Variants in TAFA1 observed in about 807,000 individuals in gnomAD.
The protein encoded by TAFA1 is TAFA chemokine like family member 1.
In TAFA1, 4 loss-of-function variants were observed where a neutral mutation model predicts 18.5. That is an observed-to-expected ratio of 0.22 (90% CI 0.11 to 0.49). TAFA1 has a LOEUF of 0.49. TAFA1 is among the 20% of genes least tolerant of loss of function. The pLI is 0.98. For synonymous variants in TAFA1, 56 were observed against 55.2 expected (o/e 1.01, Z -0.06); for missense variants, 147 against 169.0 (o/e 0.87, Z 0.72).
intron 2 of TAFA1, among the ~76,000 whole-genome samples, chr3:68,016,730 T>A (rs188482223): frequency 2.1e-4 from 32 of 152,252 alleles, no homozygotes; most frequent in African/African-American, 7.7e-4. Flanking sequence ...TATCTTAAAA[T>A]TTGCTTGTAT....
chr3:68,249,213 G>A lies in TAFA1; in HGVS notation c.119-168067G>A, dbSNP rs2067143501. Among the ~76,000 whole-genome samples the A allele has an allele frequency of 3.3e-5, 5 of 152,182 alleles. No homozygotes were observed. The South Asian group carries it at 1.0e-3, about 32-fold the overall frequency. ...AAAATAATCCAGGGAATAATCAGAT[G>A]GAGGAATGTGGATGTTATCCCCAGG... On this transcript the variant is annotated intron_variant, in intron 2 of 4. Transcript: ENST00000478136.
intron 2 of TAFA1, among the ~76,000 whole-genome samples, chr3:68,333,077 T>C (rs1477465494): frequency 6.6e-6 from 1 of 152,216 alleles, no homozygotes; most frequent in Non-Finnish European, 1.5e-5. Context: ...GTTTAGCCAC[T>C]GTGGAAAGCA....
intron 3 of TAFA1, among the ~76,000 whole-genome samples, chr3:68,444,547 G>A (rs973599133): frequency 1.3e-5 from 2 of 152,082 alleles, no homozygotes; most frequent in East Asian, 3.9e-4. Flanking sequence ...GTTAACCATT[G>A]TACTATAGCT....
intron 2 of TAFA1, among the ~76,000 whole-genome samples, chr3:68,053,295 A>G (rs1360661346): frequency 6.6e-6 from 1 of 151,336 alleles, no homozygotes; most frequent in East Asian, 1.9e-4. Flanking sequence ...GCCAAGGAGA[A>G]CTCCCCTGAT....
intron 2 of TAFA1, among the ~76,000 whole-genome samples, chr3:68,054,638 A>G (rs961302834): frequency 2.0e-5 from 3 of 152,220 alleles, no homozygotes; most frequent in African/African-American, 4.8e-5. Context: ...CATATTGTCC[A>G]TGGCTGCTTT....
intron 3 of TAFA1, among the ~76,000 whole-genome samples, chr3:68,459,474 G>A (rs1027393080): frequency 4.0e-5 from 5 of 125,086 alleles, no homozygotes; most frequent in African/African-American, 1.3e-4. Flanking sequence ...TGCTATTTTT[G>A]TTCTGTTTTT....
chr3:68,256,575 G>T (rs905663660), intron 2 of TAFA1, among the ~76,000 whole-genome samples: 3 of 152,082 alleles, frequency 2.0e-5, no homozygotes, highest in African/African-American at 7.2e-5. Context: ...AAAGAATTCC[G>T]TCTGTAAAAT....
chr3:68,428,440 C>T (rs1435950564), intron 3 of TAFA1, among the ~76,000 whole-genome samples: 1 of 151,886 alleles, frequency 6.6e-6, no homozygotes, highest in Non-Finnish European at 1.5e-5. Context: ...CACAGGCATC[C>T]TTCGACCTCC....
chr3:68,083,323 C>G (rs544507142), intron 2 of TAFA1, among the ~76,000 whole-genome samples: 1 of 152,080 alleles, frequency 6.6e-6, no homozygotes, highest in African/African-American at 2.4e-5. Context: ...ATCACTTTTG[C>G]CTTTGTTTGA....
intron 2 of TAFA1, among the ~76,000 whole-genome samples, chr3:68,280,616 GT>G (rs10706490): frequency 0.031 from 4,654 of 148,648 alleles, 140 homozygotes; most frequent in South Asian, 0.11. Context: ...GTGGACTTTT[GT>G]TTTTTTTTTC....
intron 3 of TAFA1, among the ~76,000 whole-genome samples, chr3:68,536,328 T>C (rs1256950533): frequency 6.6e-6 from 1 of 152,164 alleles, no homozygotes; most frequent in African/African-American, 2.4e-5. Flanking sequence ...CTGCTTTGCT[T>C]CAGGGTCTAC....
intron 2 of TAFA1, among the ~76,000 whole-genome samples, chr3:68,323,001 C>T (rs902959252): frequency 1.3e-5 from 2 of 151,894 alleles, no homozygotes; most frequent in Non-Finnish European, 2.9e-5. Flanking sequence ...ACACAATATC[C>T]CTACCCCCAG....
At chr3:68,353,400 G>A (rs1316644836) in intron 2 of TAFA1, among the ~76,000 whole-genome samples, 2 of 152,034 alleles carry the variant, frequency 1.3e-5, no homozygotes, top group African/African-American at 4.8e-5. Context: ...TCACCTTATC[G>A]GTTTATGTTC....
At chr3:68,099,481 T>C (rs1334584880) in intron 2 of TAFA1, among the ~76,000 whole-genome samples, 1 of 152,056 alleles carries the variant, frequency 6.6e-6, no homozygotes, top group Non-Finnish European at 1.5e-5. Context: ...TCAGAATGGC[T>C]ATTATTAAAA....
intron 3 of TAFA1, among the ~76,000 whole-genome samples, chr3:68,525,529 G>C (rs941382272): frequency 6.6e-6 from 1 of 152,160 alleles, no homozygotes; most frequent in Non-Finnish European, 1.5e-5. Flanking sequence ...TAGTTGTGTG[G>C]TATTGTATAG....
chr3:68,015,759 C>A (rs1704558093), intron 2 of TAFA1, among the ~76,000 whole-genome samples: 1 of 152,028 alleles, frequency 6.6e-6, no homozygotes, highest in Non-Finnish European at 1.5e-5. Flanking sequence ...ATCTTGAAAC[C>A]CAAGATTCTC....
At chr3:68,411,399 T>G (rs2070714314) in intron 2 of TAFA1, among the ~76,000 whole-genome samples, 1 of 152,210 alleles carries the variant, frequency 6.6e-6, no homozygotes, top group South Asian at 2.1e-4. Context: ...CCATGGCAGA[T>G]TTGTTATTCA....
rs111907318 is a variant in TAFA1, at chr3:68,232,858, T to C, written c.119-184422T>C. On this transcript the variant is annotated intron_variant, in intron 2 of 4. Transcript: ENST00000478136. ...GTCTTGAGTGATCCTCTCTGTTTGG[T>C]CCCTCAAAATGCTGGGATTACAGAC... is the stretch of plus-strand genomic sequence containing the variant. Among the ~76,000 whole-genome samples the C allele has an allele frequency of 7.9e-4, 121 of 152,204 alleles. 2 individuals are homozygous for C. The highest frequency in any genetic ancestry group is 2.5e-3 in the African/African-American group (103 of 41,538).
chr3:68,283,912 C>A (rs78691953), intron 2 of TAFA1, among the ~76,000 whole-genome samples: 17,757 of 152,182 alleles, frequency 0.12, 1,084 homozygotes, highest in South Asian at 0.19. Context: ...TTTTCACATC[C>A]CGTCAAGTTA....
Sources: allele counts gnomAD v4.1 joint callset (sites outside exome capture counted in the v4.1 genomes callset), GRCh38; gene constraint gnomAD v4.1.1; transcripts MANE v1.5; gene names NCBI Gene and HGNC (gene_info 2026-07-23, HGNC 2026-07-21).